The following LHFPL3 variants were observed in gnomAD, a reference collection of about 807,000 sequenced individuals.
LHFPL3 encodes the protein LHFPL tetraspan subfamily member 3.
LHFPL3 carries 5 observed loss-of-function variants against 19.3 expected under a neutral mutation model. That is an observed-to-expected ratio of 0.26 (90% confidence interval 0.14 to 0.54). LHFPL3 has a LOEUF of 0.54. Ranked by LOEUF, LHFPL3 falls within the 20% of genes least tolerant of loss-of-function variation. LHFPL3 has a pLI of 0.94. For missense variants in LHFPL3, 249 were observed against 307.4 expected (o/e 0.81, Z 1.42); for synonymous variants, 133 against 126.2 (o/e 1.05, Z -0.36).
At chr7:104,784,430 A>C (rs1216239525) in intron 2 of LHFPL3, among the ~76,000 whole-genome samples, 1 of 152,188 alleles carries the variant, frequency 6.6e-6, no homozygotes, top group Non-Finnish European at 1.5e-5. Context: ...AAAATAATGC[A>C]CATACTCTGC....
In LHFPL3 at chr7:104,409,186, A is replaced by AT. The variant is rs1791485057; in HGVS notation, c.445+79966dup. Among the ~76,000 whole-genome samples, 4 of 151,560 alleles carry AT rather than the reference A, an allele frequency of 2.6e-5. No individual in the cohort carries two copies. In the South Asian group the frequency reaches 8.3e-4, roughly 32 times the overall value. On this transcript the variant is annotated intron_variant, in intron 1 of 2. Transcript: ENST00000424859. ...CCACGGCGCCCGGCCTAGTGTTGTA[A>AT]TTTTCTAACCCTGTTGACAGGGAGG... is the stretch of plus-strand genomic sequence containing the variant.
intron 1 of LHFPL3, among the ~76,000 whole-genome samples, chr7:104,653,617 AG>A (rs1273377521): frequency 6.6e-6 from 1 of 152,256 alleles, no homozygotes; most frequent in African/African-American, 2.4e-5. Context: ...AACAGGCTAC[AG>A]GTGGATTGAG....
At chr7:104,656,302 C>T (rs967505915) in intron 1 of LHFPL3, among the ~76,000 whole-genome samples, 2 of 151,824 alleles carry the variant, frequency 1.3e-5, no homozygotes, top group South Asian at 4.2e-4. Flanking sequence ...GTGAGTTTAA[C>T]CCAAGTGATC....
At chr7:104,438,128 A>G (rs564643613) in intron 1 of LHFPL3, among the ~76,000 whole-genome samples, 51 of 152,336 alleles carry the variant, frequency 3.3e-4, no homozygotes, top group African/African-American at 1.2e-3. Flanking sequence ...CAGCATCTCT[A>G]TCACTCAGAC....
At chr7:104,762,767 G>A (rs1794396339) in intron 2 of LHFPL3, among the ~76,000 whole-genome samples, 1 of 152,174 alleles carries the variant, frequency 6.6e-6, no homozygotes, top group East Asian at 1.9e-4. Context: ...TTTTAAAGAT[G>A]AAGAATCTAA....
chr7:104,524,928 A>C (rs1794157069), intron 1 of LHFPL3, among the ~76,000 whole-genome samples: 1 of 152,172 alleles, frequency 6.6e-6, no homozygotes, highest in Admixed American at 6.5e-5. Flanking sequence ...GCTTCAAACC[A>C]CTGACAAATT....
chr7:104,346,272 G>C (rs1790062792), intron 1 of LHFPL3, among the ~76,000 whole-genome samples: 2 of 151,374 alleles, frequency 1.3e-5, no homozygotes, highest in Admixed American at 6.6e-5. Context: ...CTGACCTCAA[G>C]TGATCCACCC....
intron 1 of LHFPL3, among the ~76,000 whole-genome samples, chr7:104,666,220 C>A (rs980379026): frequency 1.3e-5 from 2 of 151,962 alleles, no homozygotes; most frequent in African/African-American, 4.8e-5. Context: ...ATACATTATA[C>A]AATATATTGT....
At chr7:104,470,429 TA>T (rs1170725809) in intron 1 of LHFPL3, among the ~76,000 whole-genome samples, 1 of 152,214 alleles carries the variant, frequency 6.6e-6, no homozygotes, top group Non-Finnish European at 1.5e-5. Flanking sequence ...AACAGGATTT[TA>T]AAGCATTTGT....
chr7:104,609,275 A>G (rs764983066), intron 1 of LHFPL3, among the ~76,000 whole-genome samples: 25 of 152,080 alleles, frequency 1.6e-4, no homozygotes, highest in Non-Finnish European at 2.6e-4. Context: ...AAAAAAAAGA[A>G]AAGAAAAAAA....
chr7:104,410,273 C>G (rs542423319), intron 1 of LHFPL3, among the ~76,000 whole-genome samples: 2 of 152,152 alleles, frequency 1.3e-5, no homozygotes, highest in Non-Finnish European at 2.9e-5. Flanking sequence ...GCTGGGATTA[C>G]AAGCGCCTGC....
chr7:104,389,381 A>C (rs1190933704), intron 1 of LHFPL3, among the ~76,000 whole-genome samples: 2 of 152,198 alleles, frequency 1.3e-5, no homozygotes, highest in African/African-American at 4.8e-5. Flanking sequence ...AGACTAAATA[A>C]TTGGAAAGGC....
At chr7:104,342,030 A>T (rs999140820) in intron 1 of LHFPL3, among the ~76,000 whole-genome samples, 2 of 152,200 alleles carry the variant, frequency 1.3e-5, no homozygotes, top group African/African-American at 4.8e-5. Context: ...ATTACTCTCT[A>T]TAATCTATCT....
At chr7:104,795,501 G>C (rs1047417252) in intron 2 of LHFPL3, among the ~76,000 whole-genome samples, 1 of 152,150 alleles carries the variant, frequency 6.6e-6, no homozygotes, top group African/African-American at 2.4e-5. Context: ...AGCTTTGCAT[G>C]ACTTGAAAAA....
intron 1 of LHFPL3, among the ~76,000 whole-genome samples, chr7:104,571,970 T>A (rs1040208554): frequency 2.0e-4 from 31 of 152,246 alleles, no homozygotes; most frequent in African/African-American, 7.5e-4. Context: ...TTCTGAAATC[T>A]TCCCCCTTTT....
At position 104,484,441 on chromosome 7, in the gene LHFPL3, C is replaced by T. The variant is rs550849528; in HGVS notation, c.445+155217C>T. Among the ~76,000 whole-genome samples the T allele has an allele frequency of 1.3e-3, 202 of 152,188 alleles. 2 individuals are homozygous for T. Among genetic ancestry groups the T allele is most frequent in the African/African-American group, 2.4e-3 (99 of 41,512 alleles). Reference sequence around the variant, plus strand: ...GATGGAGCATGTTAGTGAGGGGGCCCGGGAGAAGGTCAAAAGCCTTCTCAA... The same window carrying T: ...GATGGAGCATGTTAGTGAGGGGGCCTGGGAGAAGGTCAAAAGCCTTCTCAA... On this transcript the variant is annotated intron_variant, in intron 1 of 2. Transcript: ENST00000424859.
intron 1 of LHFPL3, among the ~76,000 whole-genome samples, chr7:104,508,768 T>A (rs1666174881): frequency 6.7e-6 from 1 of 148,976 alleles, no homozygotes. Context: ...ATAATAAAGG[T>A]AAGAGCATAA....
intron 1 of LHFPL3, among the ~76,000 whole-genome samples, chr7:104,332,624 T>C (rs1029988296): frequency 2.0e-5 from 3 of 152,218 alleles, no homozygotes; most frequent in Non-Finnish European, 2.9e-5. Context: ...TTCTGAACGA[T>C]GAACCAGAAA....
At position 104,578,092 on chromosome 7, in the gene LHFPL3, C is replaced by G. The variant is rs1016995666; in HGVS notation, c.446-158583C>G. Among the ~76,000 whole-genome samples the G allele has an allele frequency of 5.3e-5, 8 of 152,260 alleles. No homozygotes were observed. The South Asian group carries it at 1.0e-3, about 20-fold the overall frequency. On this transcript the variant is annotated intron_variant, in intron 1 of 2. Coordinates refer to ENST00000424859, the MANE Select transcript of LHFPL3 (RefSeq NM_199000.3). ...AAGGAAAATTATTTAAGGTGTTTTT[C>G]TAAGTCACTTATATTGGTTGTGTCC...
Sources: allele counts gnomAD v4.1 joint callset (sites outside exome capture counted in the v4.1 genomes callset), GRCh38; gene constraint gnomAD v4.1.1; transcripts MANE v1.5; gene names NCBI Gene and HGNC (gene_info 2026-07-23, HGNC 2026-07-21).